Variants in DST observed in about 807,000 individuals in gnomAD.
DST encodes the protein bullous pemphigoid antigen.
Under a neutral mutation model 875.2 loss-of-function variants are expected in DST, and 253 were observed. The ratio of observed to expected loss-of-function variants is 0.29; its 90% CI spans 0.26 to 0.32. The LOEUF (loss-of-function observed/expected upper bound fraction) is 0.32. DST is among the 10% of genes least tolerant of loss of function. The pLI, the probability that DST is intolerant of heterozygous loss-of-function variation, is 1.00. For synonymous variants in DST, 3,124 were observed against 3,197.1 expected, an observed-to-expected ratio of 0.98 and a Z score of 0.77; for missense variants, 8,287 against 9,111.6, an observed-to-expected ratio of 0.91 and a Z score of 3.68.
At chr6:56,555,879 AATTG>A in intron 59 of DST, 39 bp from the exon 60 acceptor site, 3 of 1,423,580 alleles carry the variant, frequency 2.1e-6, no homozygotes, top group Non-Finnish European at 1.8e-6. Context: ...ATTATTATAT[AATTG>A]ATTGTAGAAA....
Position 56,531,806 on chromosome 6 carries a change from C to A in DST, c.17108+538G>T, listed in dbSNP as rs553253249. On this transcript the variant is annotated intron_variant, in intron 64 of 103. Coordinates refer to ENST00000680361, the MANE Select transcript of DST (RefSeq NM_001374736.1). ...TGGAGCCAGGCTCTAGGCTTCCTAG[C>A]CTTCATGAAGTTAGAGCACCCTTCC... Among the ~76,000 whole-genome samples the A allele has an allele frequency of 2.0e-5, 3 of 152,224 alleles. No homozygotes were observed. The East Asian group carries it at 5.8e-4, about 29-fold the overall frequency.
In DST at chr6:56,589,281, A is replaced by G. The variant is rs58097947; in HGVS notation, c.12903+2901T>C. 9.4e-3 allele frequency among the ~76,000 whole-genome samples: 1,426 copies of G among 152,328 alleles called. 22 individuals are homozygous for G. The highest frequency in any genetic ancestry group is 0.033 in the African/African-American group (1,353 of 41,574). The stretch of plus-strand genomic sequence containing the variant: ...CTTCTTCACCTCTTCTTCTCAAAAC[A>G]TCACATGCCTTTACTCTTGACAATT... On this transcript the variant is annotated intron_variant, in intron 49 of 103. Coordinates refer to ENST00000680361, the MANE Select transcript of DST (RefSeq NM_001374736.1).
At chr6:56,636,769 T>A in intron 22 of DST, 117 bp from the exon 23 acceptor site, 1 of 902,632 alleles carries the variant, frequency 1.1e-6, no homozygotes, top group Non-Finnish European at 1.8e-6. Context: ...CCAATTGTTT[T>A]GGCAGAATAA....
intron 2 of DST, among the ~76,000 whole-genome samples, chr6:56,909,989 C>T (rs1338473073): frequency 6.6e-6 from 1 of 151,998 alleles, no homozygotes; most frequent in Admixed American, 6.6e-5. Flanking sequence ...TAGAAGATAC[C>T]GTTCTGTTTT....
chr6:56,591,135 A>G (rs2098265856), intron 49 of DST, among the ~76,000 whole-genome samples: 1 of 152,250 alleles, frequency 6.6e-6, no homozygotes, highest in African/African-American at 2.4e-5. Flanking sequence ...TTTTAAACTC[A>G]AAATTATTGG....
chr6:56,582,207 G>A (rs1453075334), intron 49 of DST, among the ~76,000 whole-genome samples: 1 of 152,122 alleles, frequency 6.6e-6, no homozygotes, highest in Non-Finnish European at 1.5e-5. Context: ...CCCTGATATA[G>A]TTTGGATATT....
Position 56,604,656 on chromosome 6 carries a change from C to G in DST, c.9972G>C (p.Glu3324Asp), listed in dbSNP as rs752593567. 3.7e-6 allele frequency: 6 copies of G among 1,612,328 alleles called. No individual in the cohort carries two copies. Among genetic ancestry groups the G allele is most frequent in the Non-Finnish European group, 5.1e-6 (6 of 1,179,034 alleles). ...LEINNKKERI[E>D]QQLPKEQALS... ...AGGCTTGTTCTTTTGGTAGCTGTTG[C>G]TCAATTCTTTCTTTCTTATTATTAA... Residue 3324 changes from glutamate to aspartate, a missense_variant, in exon 40 of 104, where the codon GAG becomes GAC. Transcript: ENST00000680361.
At chr6:56,742,778 C>T (rs1163691300) in intron 4 of DST, among the ~76,000 whole-genome samples, 2 of 152,158 alleles carry the variant, frequency 1.3e-5, no homozygotes, top group Non-Finnish European at 2.9e-5. Context: ...TAACTTATCC[C>T]TGATATGTGT....
chr6:56,594,462 T>C lies in DST; in HGVS notation c.12196-269A>G, dbSNP rs2098337377. On this transcript the variant is annotated intron_variant, in intron 47 of 103. Transcript: ENST00000680361. Reference sequence around the variant, plus strand: ...TAGGACAGACACCATTTTTCAGAAGTTTAGAAAAACCAATTTCTATTCCAA... The same window carrying C: ...TAGGACAGACACCATTTTTCAGAAGCTTAGAAAAACCAATTTCTATTCCAA... Among the ~76,000 whole-genome samples the C allele has an allele frequency of 3.3e-5, 5 of 152,224 alleles. No homozygotes were observed. The South Asian group carries it at 1.0e-3, about 32-fold the overall frequency.
intron 3 of DST, among the ~76,000 whole-genome samples, chr6:56,889,996 C>G (rs542281768): frequency 6.6e-6 from 1 of 152,300 alleles, no homozygotes; most frequent in African/African-American, 2.4e-5. Context: ...TATCTACCAT[C>G]TATGCAGTTA....
chr6:56,800,536 T>C (rs1282042370), intron 4 of DST, among the ~76,000 whole-genome samples: 1 of 152,130 alleles, frequency 6.6e-6, no homozygotes, highest in Non-Finnish European at 1.5e-5. Context: ...TATCCTAGGA[T>C]GAGAACATCC....
At chr6:56,828,095 A>C (rs1257976038) in intron 4 of DST, among the ~76,000 whole-genome samples, 2 of 152,188 alleles carry the variant, frequency 1.3e-5, no homozygotes, top group Non-Finnish European at 2.9e-5. Context: ...TCCAGAGCAC[A>C]TGGGAAGGAT....
intron 10 of DST, among the ~76,000 whole-genome samples, chr6:56,665,404 T>G (rs1335784849): frequency 2.6e-5 from 4 of 152,204 alleles, no homozygotes; most frequent in African/African-American, 7.2e-5. Context: ...ATTTCTTAAG[T>G]TCATCGATAA....
intron 2 of DST, among the ~76,000 whole-genome samples, chr6:56,911,036 C>T (rs1798629387): frequency 6.6e-6 from 1 of 152,196 alleles, no homozygotes; most frequent in Non-Finnish European, 1.5e-5. Flanking sequence ...CCCACAGTCC[C>T]TGCTGCCTGA....
intron 56 of DST, 115 bp from the exon 57 acceptor site, chr6:56,561,664 A>C (rs559533218): frequency 1.0e-6 from 1 of 967,158 alleles, no homozygotes; most frequent in African/African-American, 1.6e-5. Context: ...GTCATTATTA[A>C]GCCTAGTAGA....
At chr6:56,948,481 G>C in intron 2 of DST, among the ~76,000 whole-genome samples, 1 of 152,194 alleles carries the variant, frequency 6.6e-6, no homozygotes, top group East Asian at 1.9e-4. Context: ...GACAAAGTGG[G>C]ATTGGAGCAG....
chr6:56,712,045 C>G (rs901257596), intron 5 of DST, among the ~76,000 whole-genome samples: 2 of 145,048 alleles, frequency 1.4e-5, no homozygotes, highest in South Asian at 4.3e-4. Context: ...GAGCCGAGAT[C>G]CCGCCACTGC....
At chr6:56,780,858 A>G (rs578149744) in intron 4 of DST, among the ~76,000 whole-genome samples, 54 of 152,244 alleles carry the variant, frequency 3.5e-4, no homozygotes, top group Admixed American at 3.0e-3. Context: ...TTATGGTTTT[A>G]GATCTAACGT....
chr6:56,792,334 T>C (rs1013480534), intron 4 of DST, among the ~76,000 whole-genome samples: 3 of 152,318 alleles, frequency 2.0e-5, no homozygotes, highest in East Asian at 3.9e-4. Context: ...AGGAATACTA[T>C]TAGGTAAAAG....
Sources: allele counts gnomAD v4.1 joint callset (sites outside exome capture counted in the v4.1 genomes callset), GRCh38; gene constraint gnomAD v4.1.1; transcripts MANE v1.5; gene names NCBI Gene and HGNC (gene_info 2026-07-23, HGNC 2026-07-21).